ZC3H14: variants seen among roughly 807,000 people sequenced by gnomAD.
The protein encoded by ZC3H14 is zinc finger CCCH domain-containing protein 14.
In ZC3H14, 31 loss-of-function variants were observed where a neutral mutation model predicts 92.4. That is an observed-to-expected ratio of 0.34 (90% CI 0.25 to 0.45). The LOEUF (loss-of-function observed/expected upper bound fraction) is 0.45. Among genes scored for constraint, ZC3H14 ranks in the 20% least tolerant of loss-of-function variants. The probability of loss-of-function intolerance (pLI) is 1.00; values close to 1 mark genes in which losing one functional copy is unlikely to be tolerated. For missense variants in ZC3H14, 781 were observed against 897.3 expected (o/e 0.87, Z 1.66); for synonymous variants, 321 against 300.9 (o/e 1.07, Z -0.69).
chr14:88,565,757 C>G (rs2079485638), intron 2 of ZC3H14, among the ~76,000 whole-genome samples: 1 of 152,068 alleles, frequency 6.6e-6, no homozygotes, highest in African/African-American at 2.4e-5. Context: ...TCAGAATACT[C>G]CTTTTTCAAC....
intron 9 of ZC3H14, among the ~76,000 whole-genome samples, chr14:88,587,446 A>C (rs1009708326): frequency 6.6e-6 from 1 of 152,114 alleles, no homozygotes; most frequent in African/African-American, 2.4e-5. Context: ...GATTACAGGC[A>C]TAAGCCACCA....
intron 9 of ZC3H14, among the ~76,000 whole-genome samples, chr14:88,583,951 T>C (rs550597043): frequency 3.3e-5 from 5 of 152,218 alleles, no homozygotes; most frequent in African/African-American, 9.6e-5. Flanking sequence ...CTTGTACTTA[T>C]ATCAAGTTTT....
intron 10 of ZC3H14, among the ~76,000 whole-genome samples, chr14:88,599,418 A>G (rs1443257796): frequency 6.6e-6 from 1 of 152,210 alleles, no homozygotes; most frequent in Admixed American, 6.5e-5. Flanking sequence ...AGGAGGGAAC[A>G]AAAAGTAAAT....
chr14:88,593,894 C>CA (rs11339975), intron 9 of ZC3H14, among the ~76,000 whole-genome samples: 2 of 148,628 alleles, frequency 1.3e-5, no homozygotes, highest in South Asian at 2.1e-4. Context: ...AAGATACTAT[C>CA]AAAAAAAAAA....
rs33958046 is a variant in ZC3H14 at position 88,623,017 on chromosome 14, C to CT, written c.*11282dup. 69,864 of 150,488 alleles carry CT rather than the reference C, an allele frequency of 0.46. 17,062 individuals carry two copies. Among genetic ancestry groups the CT allele is most frequent in the East Asian group, 0.8 (4,238 of 5,300 alleles). The allele number at this position is 150,488 out of a possible 1,614,324, so 9.3% of individuals were successfully genotyped here. A position where few individuals can be genotyped will look rare whatever the true frequency, so the allele number is the denominator to read the frequency against. ...CAATACATTATCCTCTCTCATAATA[C>CT]TTTTTTTTTTTTTTTTAAGATGTAG... On this transcript the variant is annotated 3_prime_UTR_variant, in exon 17 of 17. Transcript: ENST00000251038.
intron 9 of ZC3H14, among the ~76,000 whole-genome samples, chr14:88,582,760 C>G (rs1170687247): frequency 6.6e-6 from 1 of 152,142 alleles, no homozygotes; most frequent in African/African-American, 2.4e-5. Flanking sequence ...TTTGGTATTA[C>G]TAGATATATT....
chr14:88,608,484 G>A, intron 13 of ZC3H14: 1 of 306,086 alleles, frequency 3.3e-6, no homozygotes, highest in South Asian at 2.7e-5. Context: ...CAATTACCAT[G>A]GCCCTCTCCA....
At chr14:88,611,015 C>A in intron 16 of ZC3H14, 75 bp downstream of exon 16, 1 of 1,437,936 alleles carries the variant, frequency 7.0e-7, no homozygotes, top group Non-Finnish European at 9.7e-7. Flanking sequence ...AATTTATAAG[C>A]ACACAAAATT....
chr14:88,592,373 A>G (rs1377272479), intron 9 of ZC3H14: 1 of 152,204 alleles, frequency 6.6e-6, no homozygotes, highest in Admixed American at 6.5e-5. Flanking sequence ...CTGATTCATA[A>G]AGTGGAGAAA....
At position 88,619,304 on chromosome 14, in the gene ZC3H14, G is replaced by A. The variant is rs541175996; in HGVS notation, c.*7553G>A. 2 of 152,736 alleles carry A rather than the reference G, an allele frequency of 1.3e-5. No individual in the cohort carries two copies. Among genetic ancestry groups the A allele is most frequent in the Non-Finnish European group, 2.9e-5 (2 of 68,368 alleles). The allele number at this position is 152,736 out of a possible 1,614,324, so 9.5% of individuals were successfully genotyped here. On this transcript the variant is annotated 3_prime_UTR_variant, in exon 17 of 17. Transcript: ENST00000251038. ...CGCTTGAACCCAGGAGGCACAGGTT[G>A]TGGTGAGCTGAGATTGCACCATTGC...
At chr14:88,572,247 G>A (rs1055840160) in intron 5 of ZC3H14, 22 bp downstream of exon 5, 8 of 1,612,140 alleles carry the variant, frequency 5.0e-6, no homozygotes, top group Non-Finnish European at 6.8e-6. Flanking sequence ...GTGTAGACCT[G>A]CTGGGGGCAG....
At chr14:88,569,081 G>A (rs976025560) in intron 3 of ZC3H14, among the ~76,000 whole-genome samples, 2 of 152,032 alleles carry the variant, frequency 1.3e-5, no homozygotes, top group Non-Finnish European at 2.9e-5. Context: ...TGCCCTGGAT[G>A]CTCTTGAACT....
Position 88,622,920 on chromosome 14 carries a change from T to G in ZC3H14, c.*11169T>G, listed in dbSNP as rs1404314501. 2 of 419,022 alleles carry G rather than the reference T, an allele frequency of 4.8e-6. No homozygotes were observed. The highest frequency in any genetic ancestry group is 4.1e-5 in the African/African-American group (2 of 48,900). The allele number at this position is 419,022 out of a possible 1,614,324, so 26.0% of individuals were successfully genotyped here. A position where few individuals can be genotyped will look rare whatever the true frequency, so the allele number is the denominator to read the frequency against. On this transcript the variant is annotated 3_prime_UTR_variant, in exon 17 of 17. Transcript: ENST00000251038. Reference sequence around the variant, plus strand: ...AGTCAAAATAAACATCCAGTTTCAGTGAATTTTATTTTGAGAAATACTCTT... The same window carrying G: ...AGTCAAAATAAACATCCAGTTTCAGGGAATTTTATTTTGAGAAATACTCTT...
intron 6 of ZC3H14, 67 bp downstream of exon 6, chr14:88,573,074 T>C: frequency 1.9e-6 from 3 of 1,550,586 alleles, no homozygotes; most frequent in Non-Finnish European, 2.7e-6. Flanking sequence ...AAATAATATA[T>C]GAAGTAACTA....
intron 2 of ZC3H14, among the ~76,000 whole-genome samples, chr14:88,566,238 A>G (rs1372227628): frequency 6.6e-6 from 1 of 151,796 alleles, no homozygotes; most frequent in East Asian, 1.9e-4. Context: ...TGGATTTGTG[A>G]TTAACATGTG....
intron 10 of ZC3H14, among the ~76,000 whole-genome samples, chr14:88,599,142 G>A (rs2084254022): frequency 6.6e-6 from 1 of 152,130 alleles, no homozygotes; most frequent in Non-Finnish European, 1.5e-5. Context: ...CTGCTTCTTG[G>A]ACACATCTAA....
chr14:88,608,001 AC>A, intron 13 of ZC3H14: 1 of 270,338 alleles, frequency 3.7e-6, no homozygotes, highest in Non-Finnish European at 6.8e-6. Flanking sequence ...CCCCCATCTC[AC>A]CCTGCAAGTG....
intron 12 of ZC3H14, among the ~76,000 whole-genome samples, chr14:88,603,313 T>C (rs1328999983): frequency 6.6e-6 from 1 of 152,252 alleles, no homozygotes; most frequent in African/African-American, 2.4e-5. Context: ...CTTCCGCTTA[T>C]GCTGGCTAAA....
At position 88,602,201 on chromosome 14, in the gene ZC3H14, A is replaced by G. The variant is rs2084744431; in HGVS notation, c.1514+118A>G. On this transcript the variant is annotated intron_variant, in intron 11 of 16. Transcript: ENST00000251038. ...CCGCTAGCGTAGAGTGCTTTCATTG[A>G]TTCAGTAGCTAGCCCATGAATAGTT... is the stretch of plus-strand genomic sequence containing the variant. 1.2e-5 allele frequency: 17 copies of G among 1,365,540 alleles called. No individual in the cohort carries two copies. The Admixed American group carries it at 3.0e-4, about 24-fold the overall frequency. The allele number at this position is 1,365,540 out of a possible 1,614,324, so 84.6% of individuals were successfully genotyped here.
Sources: allele counts gnomAD v4.1 joint callset (sites outside exome capture counted in the v4.1 genomes callset), GRCh38; gene constraint gnomAD v4.1.1; transcripts MANE v1.5; gene names NCBI Gene and HGNC (gene_info 2026-07-23, HGNC 2026-07-21).